RIMBP2: variants seen among roughly 807,000 people sequenced by gnomAD.
RIMBP2 encodes RIMS binding protein 2, also known as RIMS-binding protein 2.
A neutral mutation model predicts 118.6 loss-of-function variants in RIMBP2; 48 were observed. The observed-to-expected ratio is 0.40, with a 90% confidence interval of 0.32 to 0.51. The LOEUF (loss-of-function observed/expected upper bound fraction) is 0.51, where lower values mean the gene tolerates loss of function less well. Ranked by LOEUF, RIMBP2 falls within the 20% of genes least tolerant of loss-of-function variation. RIMBP2 has a pLI of 0.41. For missense variants in RIMBP2, 1,551 were observed against 1,768.3 expected (o/e 0.88, Z 2.20); for synonymous variants, 762 against 742.9 (o/e 1.03, Z -0.42).
intron 2 of RIMBP2, among the ~76,000 whole-genome samples, chr12:130,544,572 T>G (rs955608948): frequency 5.3e-5 from 8 of 151,692 alleles, no homozygotes; most frequent in African/African-American, 1.5e-4. Flanking sequence ...AATCTAAGAT[T>G]TAGATCCAGA....
chr12:130,578,951 TA>T lies in RIMBP2; in HGVS notation c.-217+49370del, dbSNP rs150484856. On this transcript the variant is annotated intron_variant, in intron 2 of 22. Coordinates refer to ENST00000690449, the MANE Select transcript of RIMBP2 (RefSeq NM_001393629.1). This position sits in a 1 kb window ranked among gnomAD's most constrained non-coding sequence, Gnocchi z 4.1. ...TATGTAAATACAAATCAAGTGGGAT[TA>T]AAAAAAGATGAGAAGTTGTCTCACA... Among the ~76,000 whole-genome samples the T allele has an allele frequency of 7.5e-3, 1,137 of 152,272 alleles. 6 individuals are homozygous for T. The highest frequency in any genetic ancestry group is 0.026 in the African/African-American group (1,060 of 41,540).
chr12:130,432,222 G>C, intron 14 of RIMBP2: 1 of 456,624 alleles, frequency 2.2e-6, no homozygotes, highest in South Asian at 1.5e-5. Context: ...CGTGGAAACA[G>C]GTCTTCTTCA....
chr12:130,658,745 G>A (rs1034659805), intron 1 of RIMBP2: 2 of 152,316 alleles, frequency 1.3e-5, no homozygotes, highest in African/African-American at 4.8e-5. Flanking sequence ...AGAGGACTCT[G>A]CTCCTGCAAC....
In RIMBP2 at chr12:130,571,006, A is replaced by G. The variant is rs74559726; in HGVS notation, c.-216-53089T>C. Among the ~76,000 whole-genome samples the G allele has an allele frequency of 9.2e-5, 14 of 152,244 alleles. No homozygotes were observed. The East Asian group carries it at 2.7e-3, about 29-fold the overall frequency. On this transcript the variant is annotated intron_variant, in intron 2 of 22. Transcript: ENST00000690449. Reference sequence around the variant, plus strand: ...ACAGGCAAAGGCCCTGCCCTCATGGAGCTTAGAACTGAATTTATGGCAGGA... The same window carrying G: ...ACAGGCAAAGGCCCTGCCCTCATGGGGCTTAGAACTGAATTTATGGCAGGA...
intron 2 of RIMBP2, among the ~76,000 whole-genome samples, chr12:130,539,374 A>C (rs1277545227): frequency 6.6e-6 from 1 of 152,218 alleles, no homozygotes; most frequent in African/African-American, 2.4e-5. Flanking sequence ...ATTTCTAGAA[A>C]ATGTGATCAA....
intron 2 of RIMBP2, among the ~76,000 whole-genome samples, chr12:130,518,514 CAACAGTTAAG>C (rs1439896490): frequency 2.6e-5 from 4 of 152,146 alleles, no homozygotes; most frequent in African/African-American, 9.7e-5. Flanking sequence ...TGACCTGAGG[CAACAGTTAAG>C]CCCCCAAAGA....
intron 1 of RIMBP2, among the ~76,000 whole-genome samples, chr12:130,715,286 CA>C (rs1950249290): frequency 6.6e-6 from 1 of 152,146 alleles, no homozygotes; most frequent in African/African-American, 2.4e-5. Flanking sequence ...GCCACGCAGG[CA>C]CGGAGCCAGC....
At chr12:130,398,174 A>G (rs1168459818) in intron 22 of RIMBP2, 1 of 152,416 alleles carries the variant, frequency 6.6e-6, no homozygotes, top group Non-Finnish European at 1.5e-5. Flanking sequence ...TAGTATTTAA[A>G]TATACGTTAA....
At chr12:130,423,787 A>G (rs894924624) in intron 16 of RIMBP2, among the ~76,000 whole-genome samples, 3 of 152,014 alleles carry the variant, frequency 2.0e-5, no homozygotes, top group African/African-American at 7.2e-5. Context: ...GTAGTCATAA[A>G]TAAATCCCTA....
chr12:130,701,188 G>A (rs12311044), intron 1 of RIMBP2, among the ~76,000 whole-genome samples: 5,426 of 152,264 alleles, frequency 0.036, 340 homozygotes, highest in African/African-American at 0.12. Context: ...CCATGCCCAC[G>A]GGGTAAGAAG....
In RIMBP2 at chr12:130,397,222, TG is replaced by T. The variant is rs2074132270; in HGVS notation, c.*138del. ...GTTCTCGTGGTTGGTTTAAAGTGGT[TG>T]GTAGTGCAAAAGTGCATTTCTCTAC... On this transcript the variant is annotated 3_prime_UTR_variant, in exon 23 of 23. Coordinates refer to ENST00000690449, the MANE Select transcript of RIMBP2 (RefSeq NM_001393629.1). The T allele has an allele frequency of 5.1e-6, 2 of 389,268 alleles. No individual in the cohort carries two copies. Among genetic ancestry groups the T allele is most frequent in the East Asian group, 7.3e-5 (2 of 27,566 alleles). 24.1% of individuals were successfully genotyped at this position (389,268 alleles called of 1,614,324 possible).
At chr12:130,614,335 C>T (rs547800003) in intron 2 of RIMBP2, among the ~76,000 whole-genome samples, 1 of 152,338 alleles carries the variant, frequency 6.6e-6, no homozygotes, top group South Asian at 2.1e-4. Context: ...CCCTTATCCT[C>T]AGAAGACGTT....
chr12:130,670,540 T>C lies in RIMBP2; in HGVS notation c.-351-42084A>G, dbSNP rs566172262. On this transcript the variant is annotated intron_variant, in intron 1 of 22. Transcript: ENST00000690449. The surrounding 1 kb of genome is among the most constrained non-coding windows in gnomAD (Gnocchi z 4.9). ...CCATGGTCAGCTCCTTAGCCGACTT[T>C]ATATATATGGAGGTCTCAACATAAA... Among the ~76,000 whole-genome samples the C allele has an allele frequency of 6.6e-5, 10 of 152,212 alleles. No individual in the cohort carries two copies. The South Asian group carries it at 1.9e-3, about 28-fold the overall frequency.
intron 17 of RIMBP2, among the ~76,000 whole-genome samples, chr12:130,417,866 G>A (rs541526431): frequency 2.0e-5 from 3 of 151,692 alleles, no homozygotes; most frequent in African/African-American, 7.3e-5. Context: ...AGAGAGAATG[G>A]GAGGGGAGAG....
At chr12:130,571,658 T>C (rs2057671760) in intron 2 of RIMBP2, among the ~76,000 whole-genome samples, 1 of 152,092 alleles carries the variant, frequency 6.6e-6, no homozygotes, top group Admixed American at 6.5e-5. Flanking sequence ...CAGTAACCTC[T>C]TAATGCTCAG....
chr12:130,631,020 G>T (rs2061965205), intron 1 of RIMBP2, among the ~76,000 whole-genome samples: 1 of 152,178 alleles, frequency 6.6e-6, no homozygotes, highest in South Asian at 2.1e-4. Flanking sequence ...CCTAAACAGG[G>T]ATAGAGAAGA....
intron 21 of RIMBP2, among the ~76,000 whole-genome samples, chr12:130,404,444 C>T (rs560531590): frequency 6.6e-6 from 1 of 152,280 alleles, no homozygotes; most frequent in South Asian, 2.1e-4. Context: ...ATTACAGGCA[C>T]ATGCCACCAC....
In RIMBP2 at chr12:130,442,434, G is replaced by A. The variant is rs139793871; in HGVS notation, c.918C>T (p.Ile306=). The A allele has an allele frequency of 2.1e-3, 3,467 of 1,614,128 alleles. 6 individuals carry two copies. Among genetic ancestry groups the A allele is most frequent in the Non-Finnish European group, 2.6e-3 (3,078 of 1,180,026 alleles). The change falls in exon 11 of 23, where the codon ATC becomes ATT. Residue 306 remains isoleucine (I), a synonymous_variant. Coordinates refer to ENST00000690449, the MANE Select transcript of RIMBP2 (RefSeq NM_001393629.1). This position sits in a 1 kb window ranked among gnomAD's most constrained non-coding sequence, Gnocchi z 6.9. ...DNSAGTLDVN[I]DDIGEDIVPY... Reference sequence around the variant, plus strand: ...GCACGATGTCTTCTCCGATGTCGTCGATGTTCACGTCCAGGGTCCCGGCAC... The same window carrying A: ...GCACGATGTCTTCTCCGATGTCGTCAATGTTCACGTCCAGGGTCCCGGCAC...
chr12:130,456,549 G>A lies in RIMBP2; in HGVS notation c.305C>T (p.Pro102Leu), dbSNP rs761228178. The A allele has an allele frequency of 6.2e-6, 10 of 1,610,296 alleles. No individual in the cohort carries two copies. Among genetic ancestry groups the A allele is most frequent in the Admixed American group, 1.7e-5 (1 of 59,900 alleles). ...CATGAACTGTGGGAAAGGCTTGCTG[G>A]GGGCCGTGGAGATGTCCAGGGGGGC... ...AVAPLDISTA[P>L]SKPFPQFMNG... Residue 102 changes from proline (P) to leucine (L), a missense_variant, in exon 7 of 23, where the codon CCC becomes CTC. By Grantham distance (98) the Pro-to-Leu change is moderately conservative. Around this residue, in one of 5 missense-constraint regions of RIMBP2, gnomAD observed 239 missense variants for 256.8 expected, o/e 0.93. Coordinates refer to ENST00000690449, the MANE Select transcript of RIMBP2 (RefSeq NM_001393629.1).
Sources: gnomAD v4.1 joint callset for allele counts (sites outside exome capture counted in the v4.1 genomes callset) on GRCh38, gnomAD v4.1.1 for gene constraint, gnomAD v4.1.1 regional missense constraint, Gnocchi (gnomAD v3.1) non-coding constraint, MANE v1.5 for transcripts, NCBI Gene and HGNC (gene_info 2026-07-23, HGNC 2026-07-21) for gene names.